The following ROPN1L variants were observed in gnomAD, a reference collection of about 807,000 sequenced individuals.
ROPN1L encodes the protein rhophilin associated tail protein 1 like.
In ROPN1L, 23 loss-of-function variants were observed where a neutral mutation model predicts 22.7. The observed-to-expected ratio is 1.01, with a 90% CI of 0.73 to 1.43. ROPN1L has a LOEUF of 1.43. Among genes scored for constraint, ROPN1L ranks in the 40% most tolerant of loss-of-function variants. The pLI, the probability that ROPN1L is intolerant of heterozygous loss-of-function variation, is 0.00. For missense variants in ROPN1L, 271 were observed against 291.5 expected, an observed-to-expected ratio of 0.93 and a Z score of 0.51; for synonymous variants, 116 against 117.8, an observed-to-expected ratio of 0.98 and a Z score of 0.10.
rs780522552 is a variant in ROPN1L at position 10,450,162 on chromosome 5, C to T, written c.417+49C>T. The T allele has an allele frequency of 7.7e-6, 11 of 1,432,178 alleles. No homozygotes were observed. In the South Asian group the frequency reaches 1.6e-4, roughly 21 times the overall value. The allele number at this position is 1,432,178 out of a possible 1,614,324, so 88.7% of individuals were successfully genotyped here. ...TAATAATTCTGTGTCATCATGGTCC[C>T]AGCTTAAAAATAATTTAGGTTTCAG... On this transcript the variant is annotated intron_variant, in intron 3 of 4. Transcript: ENST00000274134.
At chr5:10,451,939 C>CTATCTATCTATT (rs1336880866) in intron 3 of ROPN1L, among the ~76,000 whole-genome samples, 8 of 151,628 alleles carry the variant, frequency 5.3e-5, no homozygotes, top group African/African-American at 1.9e-4. Flanking sequence ...ATCTATCTAT[C>CTATCTATCTATT]TATCTATCTA....
At chr5:10,461,803 C>G (rs1735036269) in intron 4 of ROPN1L, among the ~76,000 whole-genome samples, 1 of 152,204 alleles carries the variant, frequency 6.6e-6, no homozygotes, top group African/African-American at 2.4e-5. Flanking sequence ...CTCATGTTTA[C>G]TATTTGATTA....
chr5:10,475,482 A>C (rs1735305943), downstream of ROPN1L, among the ~76,000 whole-genome samples: 1 of 152,246 alleles, frequency 6.6e-6, no homozygotes, highest in African/African-American at 2.4e-5. Context: ...TGTTCCCAGC[A>C]GCAAGTAGCA....
downstream of ROPN1L, among the ~76,000 whole-genome samples, chr5:10,468,985 C>A (rs1268468038): frequency 6.6e-6 from 1 of 151,850 alleles, no homozygotes; most frequent in African/African-American, 2.4e-5. Context: ...GAAACCCCGT[C>A]TCTACTAAAA....
downstream of ROPN1L, among the ~76,000 whole-genome samples, chr5:10,466,994 T>G (rs1374560484): frequency 6.6e-6 from 1 of 152,186 alleles, no homozygotes; most frequent in Non-Finnish European, 1.5e-5. Flanking sequence ...ATTAGAACAC[T>G]GGTAATATTG....
chr5:10,477,871 A>G, the ROPN1L span, among the ~76,000 whole-genome samples: 2 of 152,230 alleles, frequency 1.3e-5, no homozygotes, highest in Admixed American at 1.3e-4. Context: ...CAGAGGTTGC[A>G]GTGAGCAAAG....
At chr5:10,452,311 GTGTC>G (rs1455625281) in intron 3 of ROPN1L, among the ~76,000 whole-genome samples, 40 of 128,396 alleles carry the variant, frequency 3.1e-4, no homozygotes, top group Admixed American at 7.7e-4. Flanking sequence ...GTGTGTGTGT[GTGTC>G]TGTGTGTGTG....
intron 3 of ROPN1L, among the ~76,000 whole-genome samples, chr5:10,455,872 C>CTTTTAAA (rs757510378): frequency 2.0e-5 from 3 of 151,986 alleles, no homozygotes; most frequent in South Asian, 2.1e-4. Context: ...GGGTCAGAGG[C>CTTTTAAA]ACAGCTTCAC....
At chr5:10,465,493 C>T (rs374976155), downstream of ROPN1L, among the ~76,000 whole-genome samples, 1,387 of 143,180 alleles carry the variant, frequency 9.7e-3, 21 homozygotes, top group African/African-American at 0.033. Flanking sequence ...CCAGCCTGGG[C>T]GACAGAGCGA....
downstream of ROPN1L, among the ~76,000 whole-genome samples, chr5:10,469,977 C>T (rs1453349464): frequency 6.6e-6 from 1 of 152,144 alleles, no homozygotes; most frequent in Non-Finnish European, 1.5e-5. Context: ...TGTGAATTCT[C>T]ATTGTGTGAG....
At chr5:10,466,706 T>C (rs1480509801), downstream of ROPN1L, among the ~76,000 whole-genome samples, 1 of 152,164 alleles carries the variant, frequency 6.6e-6, no homozygotes, top group Non-Finnish European at 1.5e-5. Flanking sequence ...AAGGCTTTTG[T>C]CTCAAAAAGT....
intron 3 of ROPN1L, among the ~76,000 whole-genome samples, chr5:10,455,410 G>A (rs761934346): frequency 3.9e-5 from 6 of 152,224 alleles, no homozygotes; most frequent in Admixed American, 1.3e-4. Context: ...GGCCACAGGC[G>A]TGTTTAGGAA....
At chr5:10,445,005 T>G (rs555253482) in intron 1 of ROPN1L, among the ~76,000 whole-genome samples, 5 of 152,238 alleles carry the variant, frequency 3.3e-5, no homozygotes, top group Admixed American at 3.3e-4. Flanking sequence ...GATAGAGTCT[T>G]TTTCTGTGGC....
In ROPN1L at chr5:10,464,850, A is replaced by G. The variant is rs991649485; in HGVS notation, c.596A>G (p.Asp199Gly). 6.3e-7 allele frequency: 1 copy of G among 1,576,928 alleles called. No individual in the cohort carries two copies. The highest frequency in any genetic ancestry group is 8.6e-7 in the Non-Finnish European group (1 of 1,162,384). ...SYLASLKENI[D>G]ARKNGMIGLS... ...ATCTTTATCTGTTTCCAATTTAGAG[A>G]CGCCAGGAAGAACGGCATGATAGGT... The change falls in exon 5 of 5, where the codon GAC becomes GGC. Residue 199 changes from aspartate (D) to glycine (G), a missense_variant and splice_region_variant. By Grantham distance (94) the Asp-to-Gly change is moderately conservative (BLOSUM62 -1). Coordinates refer to ENST00000274134, the MANE Select transcript of ROPN1L (RefSeq NM_031916.5).
chr5:10,442,083 G>T lies in ROPN1L; in HGVS notation c.-85G>T. ...TGGCCGCAAGCCCCGCGCTGCTAGC[G>T]GGTCCACCGCGTCGTAGCCGACAGC... On this transcript the variant is annotated 5_prime_UTR_variant, in exon 1 of 5. Transcript: ENST00000274134. 6.5e-7 allele frequency: 1 copy of T among 1,542,964 alleles called. No homozygotes were observed. Among genetic ancestry groups the T allele is most frequent in the Non-Finnish European group, 8.8e-7 (1 of 1,134,234 alleles).
At chr5:10,447,669 G>C (rs1231598369) in intron 1 of ROPN1L, among the ~76,000 whole-genome samples, 2 of 152,166 alleles carry the variant, frequency 1.3e-5, no homozygotes, top group African/African-American at 4.8e-5. Flanking sequence ...TTGAGGCCAG[G>C]AGTTCCAGAC....
At chr5:10,447,542 C>G (rs1156391239) in intron 1 of ROPN1L, among the ~76,000 whole-genome samples, 1 of 152,182 alleles carries the variant, frequency 6.6e-6, no homozygotes, top group African/African-American at 2.4e-5. Flanking sequence ...CGCTTAAAGT[C>G]AAGCACCTCA....
Position 10,441,888 on chromosome 5 carries a change from G to C in ROPN1L, c.-280G>C, listed in dbSNP as rs1561165035. 1 of 265,268 alleles carries C rather than the reference G, an allele frequency of 3.8e-6. No individual in the cohort carries two copies. The highest frequency in any genetic ancestry group is 7.3e-6 in the Non-Finnish European group (1 of 137,506). 16.4% of individuals were successfully genotyped at this position (265,268 alleles called of 1,614,324 possible). A position where few individuals can be genotyped will look rare whatever the true frequency, so the allele number is the denominator to read the frequency against. ...GGGGCGGGGCCTGCTCGCGTCCCGG[G>C]TGCCTGGATACCGAGCGCGTCCGTA... is the stretch of plus-strand genomic sequence containing the variant. On this transcript the variant is annotated 5_prime_UTR_variant, in exon 1 of 5. Transcript: ENST00000274134.
chr5:10,468,443 CTCT>C (rs2126478843), downstream of ROPN1L, among the ~76,000 whole-genome samples: 1 of 152,324 alleles, frequency 6.6e-6, no homozygotes, highest in South Asian at 2.1e-4. Flanking sequence ...TTGATTTTGA[CTCT>C]TCTTGTTACA....
Sources: gnomAD v4.1 joint callset for allele counts (sites outside exome capture counted in the v4.1 genomes callset) on GRCh38, gnomAD v4.1.1 for gene constraint, MANE v1.5 for transcripts, NCBI Gene and HGNC (gene_info 2026-07-23, HGNC 2026-07-21) for gene names.